The following TRPM1 variants were observed in gnomAD, a reference collection of about 807,000 sequenced individuals.
TRPM1 encodes TRPM1-203 APA Isoform, Intron 10.
In TRPM1, 113 loss-of-function variants were observed where a neutral mutation model predicts 149.4. The observed-to-expected ratio is 0.76, with a 90% confidence interval of 0.65 to 0.88. The LOEUF is 0.88. TRPM1 is among the 40% of genes least tolerant of loss of function. TRPM1 has a pLI of 0.00. For missense variants in TRPM1, 1,976 were observed against 2,038.7 expected (o/e 0.97, Z 0.59); for synonymous variants, 741 against 759.5 (o/e 0.98, Z 0.40).
intron 1 of TRPM1, among the ~76,000 whole-genome samples, chr15:31,088,306 C>G (rs150633853): frequency 3.4e-4 from 52 of 152,346 alleles, no homozygotes; most frequent in African/African-American, 1.3e-3. Context: ...TCACCAGCGC[C>G]AGCCCTGGCA....
intron 1 of TRPM1, among the ~76,000 whole-genome samples, chr15:31,089,231 C>A (rs1175558959): frequency 6.6e-6 from 1 of 152,136 alleles, no homozygotes; most frequent in Non-Finnish European, 1.5e-5. Flanking sequence ...ACCATGTGGC[C>A]AGCGTGTCCC....
chr15:31,060,623 TCTGGAGCAGATACGTTTGTTC>T lies in TRPM1; in HGVS notation c.1163_1183del (p.Gly388_Pro394del). 6.8e-6 allele frequency: 11 copies of T among 1,614,112 alleles called. No individual in the cohort carries two copies. The African/African-American group carries it at 1.5e-4, about 22-fold the overall frequency. On this transcript the variant is annotated inframe_deletion and splice_region_variant, in exon 11 of 28. Coordinates refer to ENST00000256552, the MANE Select transcript of TRPM1 (RefSeq NM_001252024.2). ...CCAAGCCAGTGCCAAGCTCAGCTGATCTGGAGCAGATACGTTTGTTCCTGGAAAGGCAAGAAACCGGAATGA... is the reference window on the plus strand; with the variant it reads ...CCAAGCCAGTGCCAAGCTCAGCTGATCTGGAAAGGCAAGAAACCGGAATGA...
At chr15:31,071,427 T>C (rs2034536266) in intron 3 of TRPM1, among the ~76,000 whole-genome samples, 1 of 152,140 alleles carries the variant, frequency 6.6e-6, no homozygotes, top group Non-Finnish European at 1.5e-5. Flanking sequence ...GTAATGCACA[T>C]GTGCAGGGCC....
At chr15:31,120,036 C>A (rs573269419) in intron 1 of TRPM1, among the ~76,000 whole-genome samples, 35 of 152,202 alleles carry the variant, frequency 2.3e-4, no homozygotes, top group South Asian at 1.0e-3. Flanking sequence ...GGCCTAAATA[C>A]ACCAACTAAA....
chr15:31,111,261 T>C (rs1274820713), intron 1 of TRPM1, among the ~76,000 whole-genome samples: 1 of 152,128 alleles, frequency 6.6e-6, no homozygotes, highest in African/African-American at 2.4e-5. Context: ...AATCCGCAAC[T>C]CCACTAACTG....
chr15:31,001,868 T>A lies in TRPM1; in HGVS notation c.4832A>T (p.Glu1611Val), dbSNP rs2031775195. Reference protein sequence around the residue: ...LVIVSGMTAEEKKVKKEKAST... With the variant: ...LVIVSGMTAEVKKVKKEKAST... ...AGCTTTCTCTTTCTTAACCTTTTTT[T>A]CTTCTGCTGTCATTCCAGACACAAT... Residue 1611 changes from glutamate to valine, a missense_variant, in exon 28 of 28, where the codon GAA (glutamate) becomes GTA (valine). Around this residue, in one of 3 missense-constraint regions of TRPM1, gnomAD observed 572 missense variants for 578.9 expected, o/e 0.99. Transcript: ENST00000256552. 1.9e-6 allele frequency: 3 copies of A among 1,613,774 alleles called. No individual in the cohort carries two copies. Among genetic ancestry groups the A allele is most frequent in the Non-Finnish European group, 1.7e-6 (2 of 1,180,020 alleles).
At chr15:31,060,742 C>G in intron 10 of TRPM1, 98 bp from the exon 11 acceptor site, 2 of 943,716 alleles carry the variant, frequency 2.1e-6, no homozygotes, top group South Asian at 2.8e-5. Context: ...CCTTGGGCTG[C>G]TGGCCTAGAA....
At chr15:31,160,921 T>C (rs1036418276) in exon 1 of TRPM1, 4 of 1,535,412 alleles carry the variant, frequency 2.6e-6, no homozygotes, top group African/African-American at 1.4e-5. Flanking sequence ...GCGACCCTGA[T>C]GTGGAGCTCT....
At chr15:31,084,712 C>T (rs1159006739) in intron 1 of TRPM1, among the ~76,000 whole-genome samples, 2 of 142,548 alleles carry the variant, frequency 1.4e-5, no homozygotes, top group Admixed American at 7.3e-5. Flanking sequence ...CTCACTCTGT[C>T]GCCTAGGCTG....
intron 1 of TRPM1, among the ~76,000 whole-genome samples, chr15:31,119,353 G>A (rs2035846084): frequency 6.6e-6 from 1 of 152,094 alleles, no homozygotes; most frequent in South Asian, 2.1e-4. Flanking sequence ...AAAATGAGAA[G>A]AAATATTTCA....
intron 27 of TRPM1, among the ~76,000 whole-genome samples, chr15:31,003,839 T>C (rs10152819): frequency 0.11 from 17,104 of 151,798 alleles, 1,017 homozygotes; most frequent in African/African-American, 0.15. Context: ...TGGGAGATTA[T>C]AAATGCCTGC....
chr15:31,110,947 G>A (rs1596078351), intron 1 of TRPM1, among the ~76,000 whole-genome samples: 1 of 143,310 alleles, frequency 7.0e-6, no homozygotes, highest in East Asian at 2.0e-4. Context: ...GCTCCTCAGT[G>A]GGTTGTGTTG....
At chr15:31,070,834 C>A (rs530875379) in intron 3 of TRPM1, among the ~76,000 whole-genome samples, 1 of 152,340 alleles carries the variant, frequency 6.6e-6, no homozygotes, top group East Asian at 1.9e-4. Context: ...AAATTACTTA[C>A]TTAGGTGTCA....
intron 11 of TRPM1, among the ~76,000 whole-genome samples, chr15:31,054,335 C>T (rs976574756): frequency 1.3e-5 from 2 of 151,728 alleles, no homozygotes; most frequent in African/African-American, 4.8e-5. Flanking sequence ...TGTTCTGTCA[C>T]CCAGGCTGGA....
chr15:31,062,810 C>T (rs2034269081), intron 8 of TRPM1, 108 bp from the exon 9 acceptor site: 6 of 1,306,122 alleles, frequency 4.6e-6, no homozygotes, highest in Non-Finnish European at 6.5e-6. Flanking sequence ...GGGAGGATAT[C>T]CTGACACAGG....
At chr15:31,145,573 T>C (rs1372380029) in intron 1 of TRPM1, among the ~76,000 whole-genome samples, 1 of 152,208 alleles carries the variant, frequency 6.6e-6, no homozygotes, top group Non-Finnish European at 1.5e-5. Flanking sequence ...ATTTGTGGTC[T>C]CTTTTCCAGA....
chr15:31,156,586 T>C (rs1259063884), intron 1 of TRPM1, among the ~76,000 whole-genome samples: 1 of 152,220 alleles, frequency 6.6e-6, no homozygotes, highest in Non-Finnish European at 1.5e-5. Flanking sequence ...TGTATCCACC[T>C]ATGTGACCTG....
rs116346195 is a variant in TRPM1, at chr15:31,004,306, C to T, written c.3630-1236G>A. Among the ~76,000 whole-genome samples the T allele has an allele frequency of 8.5e-3, 1,290 of 151,526 alleles. 18 individuals are homozygous for T. Among genetic ancestry groups the T allele is most frequent in the African/African-American group, 0.029 (1,212 of 41,284 alleles). On this transcript the variant is annotated intron_variant, in intron 27 of 27. Coordinates refer to ENST00000256552, the MANE Select transcript of TRPM1 (RefSeq NM_001252024.2). Reference sequence around the variant, plus strand: ...TCCATTTCACGGTGGTCAGCCACCCCGCTCTTTTGTCTTCTGAGCAGATTG... The same window carrying T: ...TCCATTTCACGGTGGTCAGCCACCCTGCTCTTTTGTCTTCTGAGCAGATTG...
chr15:31,008,273 T>C (rs1379522929), intron 27 of TRPM1, among the ~76,000 whole-genome samples: 1 of 152,210 alleles, frequency 6.6e-6, no homozygotes, highest in African/African-American at 2.4e-5. Flanking sequence ...TTCCCAGTTT[T>C]AGGGAGAAAG....
Sources: gnomAD v4.1 joint callset for allele counts (sites outside exome capture counted in the v4.1 genomes callset) on GRCh38, gnomAD v4.1.1 for gene constraint, gnomAD v4.1.1 regional missense constraint, MANE v1.5 for transcripts, NCBI Gene and HGNC (gene_info 2026-07-23, HGNC 2026-07-21) for gene names.